CDH19: variants seen among roughly 807,000 people sequenced by gnomAD.
The protein encoded by CDH19 is cadherin-19.
A neutral mutation model predicts 64.2 loss-of-function variants in CDH19; 67 were observed. The ratio of observed to expected loss-of-function variants is 1.04; its 90% CI spans 0.86 to 1.28. CDH19 has a LOEUF of 1.28. Ranked by LOEUF, CDH19 falls within the 50% of genes most tolerant of loss-of-function variation. The pLI, the probability that CDH19 is intolerant of heterozygous loss-of-function variation, is 0.00. For synonymous variants in CDH19, 346 were observed against 319.3 expected, an observed-to-expected ratio of 1.08 and a Z score of -0.89; for missense variants, 1,030 against 929.0, an observed-to-expected ratio of 1.11 and a Z score of -1.41.
rs114910894 is a variant in CDH19 at position 66,526,471 on chromosome 18, G to T, written c.1458+3374C>A. Among the ~76,000 whole-genome samples, 1,033 of 152,170 alleles carry T rather than the reference G, an allele frequency of 6.8e-3. 11 individuals carry two copies. The highest frequency in any genetic ancestry group is 0.024 in the African/African-American group (978 of 41,554). On this transcript the variant is annotated intron_variant, in intron 9 of 11. Coordinates refer to ENST00000262150, the MANE Select transcript of CDH19 (RefSeq NM_021153.4). ...TCCTTTGGATCAGTTCTACCTGTTT[G>T]TAGATAATGGTATTTCATTTTTGTG...
At chr18:66,511,713 T>A (rs370754858) in intron 9 of CDH19, 28 bp from the exon 10 acceptor site, 93 of 1,064,808 alleles carry the variant, frequency 8.7e-5, no homozygotes, top group Non-Finnish European at 1.3e-4. Context: ...TAGATTTTTG[T>A]TGTTGTTTGG....
intron 2 of CDH19, among the ~76,000 whole-genome samples, chr18:66,569,378 T>C (rs1257195556): frequency 1.3e-5 from 2 of 151,636 alleles, no homozygotes; most frequent in Non-Finnish European, 3.0e-5. Flanking sequence ...ATATGGTCTT[T>C]GTGTAGATAT....
rs778545383 is a variant in CDH19 at position 66,529,956 on chromosome 18, T to C, written c.1347A>G (p.Glu449=). ...SITATEKYNI[E]QISSIPLYVQ... ...CATACAGTGGGATCGAAGAGATCTGTTCTATATTGTCTGCAATTTGAATAT... is the reference window on the plus strand; with the variant it reads ...CATACAGTGGGATCGAAGAGATCTGCTCTATATTGTCTGCAATTTGAATAT... Residue 449 remains glutamate (E), a synonymous_variant, in exon 9 of 12, where the codon GAA becomes GAG. Coordinates refer to ENST00000262150, the MANE Select transcript of CDH19 (RefSeq NM_021153.4). 9 of 1,503,874 alleles carry C rather than the reference T, an allele frequency of 6.0e-6. No homozygotes were observed. The East Asian group carries it at 1.9e-4, about 32-fold the overall frequency. The allele number at this position is 1,503,874 out of a possible 1,614,324, so 93.2% of individuals were successfully genotyped here. A position where few individuals can be genotyped will look rare whatever the true frequency, so the allele number is the denominator to read the frequency against.
intron 1 of CDH19, among the ~76,000 whole-genome samples, chr18:66,578,522 A>G (rs1329800884): frequency 3.3e-5 from 5 of 151,902 alleles, no homozygotes; most frequent in African/African-American, 1.2e-4. Context: ...ATACACTGCT[A>G]GTGTGAATGT....
At chr18:66,597,852 T>C (rs886655878) in intron 1 of CDH19, among the ~76,000 whole-genome samples, 2 of 151,708 alleles carry the variant, frequency 1.3e-5, no homozygotes, top group African/African-American at 2.4e-5. Context: ...TGAGAACACC[T>C]GGACACAAGA....
At chr18:66,596,838 T>C (rs1217174929) in intron 1 of CDH19, among the ~76,000 whole-genome samples, 1 of 151,210 alleles carries the variant, frequency 6.6e-6, no homozygotes, top group East Asian at 1.9e-4. Flanking sequence ...GTCCCAGCAC[T>C]TTGGGAGGCC....
chr18:66,558,209 C>T (rs1320996808), intron 3 of CDH19, among the ~76,000 whole-genome samples: 1 of 149,408 alleles, frequency 6.7e-6, no homozygotes, highest in Non-Finnish European at 1.5e-5. Context: ...CAAAAATATG[C>T]AGCAGTATTT....
At chr18:66,585,648 T>C (rs1988556142) in intron 1 of CDH19, among the ~76,000 whole-genome samples, 1 of 152,136 alleles carries the variant, frequency 6.6e-6, no homozygotes, top group African/African-American at 2.4e-5. Context: ...CATCTAGTGA[T>C]TTCTGCATTT....
intron 11 of CDH19, among the ~76,000 whole-genome samples, chr18:66,508,777 C>T (rs2144337265): frequency 1.3e-5 from 2 of 151,660 alleles, no homozygotes; most frequent in East Asian, 3.9e-4. Context: ...ATTCAAAGAT[C>T]ATGTTTTTAT....
At chr18:66,533,414 T>C (rs897125574) in intron 8 of CDH19, among the ~76,000 whole-genome samples, 1 of 152,026 alleles carries the variant, frequency 6.6e-6, no homozygotes, top group Non-Finnish European at 1.5e-5. Flanking sequence ...TTTGTTATGG[T>C]TTCAGCGCAT....
At chr18:66,564,702 C>G (rs2144557973) in intron 3 of CDH19, among the ~76,000 whole-genome samples, 1 of 151,928 alleles carries the variant, frequency 6.6e-6, no homozygotes, top group East Asian at 1.9e-4. Flanking sequence ...TGTACAATAT[C>G]AATATCTATT....
At chr18:66,558,496 T>G (rs1987603747) in intron 3 of CDH19, among the ~76,000 whole-genome samples, 1 of 151,938 alleles carries the variant, frequency 6.6e-6, no homozygotes, top group African/African-American at 2.4e-5. Flanking sequence ...AATGAGTAAC[T>G]TGTATTCGGC....
intron 1 of CDH19, among the ~76,000 whole-genome samples, chr18:66,597,179 A>AAAAAAAAAAAAAAT (rs1555693668): frequency 6.8e-6 from 1 of 147,314 alleles, no homozygotes; most frequent in Non-Finnish European, 1.5e-5. Flanking sequence ...AAAAAAAAAA[A>AAAAAAAAAAAAAAT]GCTGGAAGAA....
rs191950546 is a variant in CDH19 at position 66,504,083 on chromosome 18, A to C, written c.*729T>G. The C allele has an allele frequency of 6.6e-6, 1 of 152,076 alleles. No homozygotes were observed. The highest frequency in any genetic ancestry group is 2.4e-5 in the African/African-American group (1 of 41,560). 9.4% of individuals were successfully genotyped at this position (152,076 alleles called of 1,614,324 possible). A position where few individuals can be genotyped will look rare whatever the true frequency, so the allele number is the denominator to read the frequency against. ...CCTTTCTCACATTAACCATTTAAAA[A>C]GGTTGAGCGTTTGCATTAGATGACA... On this transcript the variant is annotated 3_prime_UTR_variant, in exon 12 of 12. Transcript: ENST00000262150.
intron 9 of CDH19, among the ~76,000 whole-genome samples, chr18:66,515,526 G>C (rs1985698267): frequency 1.3e-5 from 2 of 151,620 alleles, no homozygotes; most frequent in South Asian, 4.1e-4. Flanking sequence ...ATGTTCAAAA[G>C]GTCATTATAG....
In CDH19 at chr18:66,524,542, G is replaced by GTATATATATATA. The variant is rs72219868; in HGVS notation, c.1458+5291_1458+5302dup. ...ACAATATATGCGTGTATGTTTGTGTGTATATATATATATATATATATATAT... is the reference window on the plus strand; with the variant it reads ...ACAATATATGCGTGTATGTTTGTGTGTATATATATATATATATATATATATATATATATATAT... On this transcript the variant is annotated intron_variant, in intron 9 of 11. Transcript: ENST00000262150. Among the ~76,000 whole-genome samples the GTATATATATATA allele has an allele frequency of 4.3e-3, 411 of 94,504 alleles. 1 individual carries two copies. Among genetic ancestry groups the GTATATATATATA allele is most frequent in the African/African-American group, 7.5e-3 (246 of 33,002 alleles). The allele number at this position is 94,504 out of a possible 152,430, so 62.0% of individuals were successfully genotyped here. A position where few individuals can be genotyped will look rare whatever the true frequency, so the allele number is the denominator to read the frequency against.
chr18:66,597,538 C>T (rs957240880), intron 1 of CDH19, among the ~76,000 whole-genome samples: 1 of 151,928 alleles, frequency 6.6e-6, no homozygotes, highest in African/African-American at 2.4e-5. Context: ...GGACATAGGC[C>T]CTGGCAAAGA....
chr18:66,523,688 C>G (rs769761977), intron 9 of CDH19, among the ~76,000 whole-genome samples: 29 of 151,758 alleles, frequency 1.9e-4, no homozygotes, highest in African/African-American at 7.0e-4. Context: ...AGTGCCTGTA[C>G]ATTTGGTACA....
intron 1 of CDH19, among the ~76,000 whole-genome samples, chr18:66,581,875 T>C (rs1988431215): frequency 6.6e-6 from 1 of 152,212 alleles, no homozygotes; most frequent in East Asian, 1.9e-4. Flanking sequence ...CATATTAGCA[T>C]TGCACCTCTA....
Sources: allele counts gnomAD v4.1 joint callset (sites outside exome capture counted in the v4.1 genomes callset), GRCh38; gene constraint gnomAD v4.1.1; transcripts MANE v1.5; gene names NCBI Gene and HGNC (gene_info 2026-07-23, HGNC 2026-07-21).